The following GABRG1 variants were observed in gnomAD, a reference collection of about 807,000 sequenced individuals.
GABRG1 encodes gamma-aminobutyric acid type A receptor subunit gamma1, also known as gamma-aminobutyric acid receptor subunit gamma-1.
A neutral mutation model predicts 49.8 loss-of-function variants in GABRG1; 49 were observed. The ratio of observed to expected loss-of-function variants is 0.98; its 90% CI spans 0.78 to 1.25. GABRG1 has a LOEUF of 1.25. Ranked by LOEUF, GABRG1 falls within the 50% of genes most tolerant of loss-of-function variation. The pLI, the probability that GABRG1 is intolerant of heterozygous loss-of-function variation, is 0.00. For synonymous variants in GABRG1, 232 were observed against 185.1 expected, an observed-to-expected ratio of 1.25 and a Z score of -2.06; for missense variants, 552 against 552.3, an observed-to-expected ratio of 1.00 and a Z score of 0.01.
At chr4:46,046,367 C>T (rs1717999529) in intron 8 of GABRG1, among the ~76,000 whole-genome samples, 1 of 152,052 alleles carries the variant, frequency 6.6e-6, no homozygotes, top group African/African-American at 2.4e-5. Flanking sequence ...TGGCCATTGT[C>T]ACAACTGGTA....
At chr4:46,059,624 G>T (rs1228082210) in intron 5 of GABRG1, among the ~76,000 whole-genome samples, 8 of 151,812 alleles carry the variant, frequency 5.3e-5, no homozygotes, top group African/African-American at 1.9e-4. Context: ...TGTTGGCCAG[G>T]CTATTCTCGA....
In GABRG1 at chr4:46,065,288, T is replaced by TA. The variant is rs1348159875; in HGVS notation, c.542+75dup. On this transcript the variant is annotated intron_variant, in intron 4 of 8. Transcript: ENST00000295452. ...TTTTTGGTTTTGCAACTTTGAGAAA[T>TA]AAAAAATTAAGAATTGATTAAATAT... The TA allele has an allele frequency of 2.8e-6, 3 of 1,054,010 alleles. No homozygotes were observed. The South Asian group carries it at 5.1e-5, about 18-fold the overall frequency. The allele number at this position is 1,054,010 out of a possible 1,614,324, so 65.3% of individuals were successfully genotyped here. A position where few individuals can be genotyped will look rare whatever the true frequency, so the allele number is the denominator to read the frequency against.
At chr4:46,062,147 A>T (rs569082851) in intron 5 of GABRG1, among the ~76,000 whole-genome samples, 1 of 150,680 alleles carries the variant, frequency 6.6e-6, no homozygotes, top group East Asian at 2.0e-4. Flanking sequence ...TGTCCTTGTG[A>T]TAGTTTACTG....
At chr4:46,088,575 A>G (rs1719865069) in intron 2 of GABRG1, among the ~76,000 whole-genome samples, 2 of 151,964 alleles carry the variant, frequency 1.3e-5, no homozygotes, top group South Asian at 4.1e-4. Context: ...GCTTTCCAAT[A>G]TGCAGTCATT....
At chr4:46,084,572 C>T (rs928475433) in intron 2 of GABRG1, among the ~76,000 whole-genome samples, 1 of 151,572 alleles carries the variant, frequency 6.6e-6, no homozygotes, top group Non-Finnish European at 1.5e-5. Flanking sequence ...TTTTGTAAAA[C>T]AATGTCTATC....
intron 2 of GABRG1, among the ~76,000 whole-genome samples, chr4:46,088,762 CA>C (rs1227388497): frequency 1.1e-4 from 17 of 150,738 alleles, no homozygotes; most frequent in Admixed American, 7.3e-4. Context: ...CACACACACA[CA>C]CACCCCATAT....
intron 4 of GABRG1, 82 bp downstream of exon 4, chr4:46,065,282 G>A (rs960589983): frequency 1.5e-5 from 15 of 1,003,960 alleles, no homozygotes; most frequent in African/African-American, 5.0e-5. Flanking sequence ...TTGCAACTTT[G>A]AGAAATAAAA....
rs1352724569 is a variant in GABRG1, at chr4:46,056,137, AT to A, written c.916+2079del. ...AAAAAAAGAAAGGAAAAAAAAAAAAATAAATAAATAAATTAAAAAAAAAAAA... is the reference window on the plus strand; with the variant it reads ...AAAAAAAGAAAGGAAAAAAAAAAAAAAAATAAATAAATTAAAAAAAAAAAA... On this transcript the variant is annotated intron_variant, in intron 7 of 8. Coordinates refer to ENST00000295452, the MANE Select transcript of GABRG1 (RefSeq NM_173536.4). Among the ~76,000 whole-genome samples the A allele has an allele frequency of 4.0e-3, 89 of 22,326 alleles. 1 individual carries two copies. Among genetic ancestry groups the A allele is most frequent in the African/African-American group, 0.012 (25 of 2,008 alleles). 14.6% of individuals were successfully genotyped at this position (22,326 alleles called of 152,430 possible).
At chr4:46,042,304 G>A (rs1427155116) in intron 8 of GABRG1, among the ~76,000 whole-genome samples, 1 of 151,882 alleles carries the variant, frequency 6.6e-6, no homozygotes, top group Non-Finnish European at 1.5e-5. Context: ...CAACAACAAA[G>A]TCCTAGACCA....
chr4:46,052,969 G>T (rs1718287731), intron 7 of GABRG1, among the ~76,000 whole-genome samples: 1 of 151,660 alleles, frequency 6.6e-6, no homozygotes. Context: ...GATGAATTTG[G>T]AATTATGATA....
At chr4:46,112,739 T>C (rs1720759069) in intron 1 of GABRG1, among the ~76,000 whole-genome samples, 2 of 150,974 alleles carry the variant, frequency 1.3e-5, no homozygotes, top group African/African-American at 4.8e-5. Context: ...GAGCCTAACA[T>C]TGGGTGCTCA....
In GABRG1 at chr4:46,041,205, A is replaced by T. The variant is rs149632298; in HGVS notation, c.1181T>A (p.Ile394Asn). 13 of 1,612,904 alleles carry T rather than the reference A, an allele frequency of 8.1e-6. No homozygotes were observed. The highest frequency in any genetic ancestry group is 1.1e-5 in the Non-Finnish European group (13 of 1,179,246). The change falls in exon 9 of 9, where the codon ATT (isoleucine) becomes AAT (asparagine). Residue 394 changes from isoleucine (I) to asparagine (N), a missense_variant. Ile to Asn is a moderately radical substitution (Grantham distance 149, BLOSUM62 -3). Transcript: ENST00000295452. ...PGSTLIPMNN[I>N]SVPQEDDYGY... ...ATAATCATCTTCTTGCGGCACAGAA[A>T]TATTATTCATTGGAATCAGAGTGGA...
chr4:46,096,271 G>T (rs528992797), intron 2 of GABRG1, among the ~76,000 whole-genome samples: 1 of 151,710 alleles, frequency 6.6e-6, no homozygotes, highest in Admixed American at 6.6e-5. Flanking sequence ...ATTAATTGTT[G>T]TATGGACAGT....
chr4:46,058,297 A>T lies in GABRG1; in HGVS notation c.836T>A (p.Ile279Asn). 6.2e-7 allele frequency: 1 copy of T among 1,613,172 alleles called. No individual in the cohort carries two copies. The highest frequency in any genetic ancestry group is 2.2e-5 in the East Asian group (1 of 44,798). Reference protein sequence around the residue: ...RMGYFTIQTYIPCILTVVLSW... With the variant: ...RMGYFTIQTYNPCILTVVLSW... ...AAGAACAACTGTCAGAATGCATGGA[A>T]TGTAGGTCTGAATAGTGAAATATCC... The change falls in exon 7 of 9, where the codon ATT becomes AAT. Residue 279 changes from isoleucine to asparagine, a missense_variant. Transcript: ENST00000295452.
At chr4:46,054,907 G>C (rs1207431094) in intron 7 of GABRG1, among the ~76,000 whole-genome samples, 1 of 68,096 alleles carries the variant, frequency 1.5e-5, no homozygotes, top group Non-Finnish European at 2.7e-5. Flanking sequence ...CGGTGAGAGA[G>C]GGCATCCCTG....
chr4:46,096,895 G>C (rs1316835158), intron 2 of GABRG1, among the ~76,000 whole-genome samples: 2 of 151,690 alleles, frequency 1.3e-5, no homozygotes, highest in Non-Finnish European at 3.0e-5. Flanking sequence ...TCATTATTCT[G>C]TATCTTATCT....
At chr4:46,086,020 A>G (rs1227424183) in intron 2 of GABRG1, among the ~76,000 whole-genome samples, 1 of 151,666 alleles carries the variant, frequency 6.6e-6, no homozygotes, top group Non-Finnish European at 1.5e-5. Context: ...TCTTTTTTGC[A>G]ATAGCATAAC....
chr4:46,114,299 A>G (rs73241876), intron 1 of GABRG1, among the ~76,000 whole-genome samples: 195 of 151,150 alleles, frequency 1.3e-3, no homozygotes, highest in Non-Finnish European at 2.6e-3. Context: ...ACTCAATACT[A>G]TGATTATTTT....
intron 1 of GABRG1, among the ~76,000 whole-genome samples, chr4:46,103,316 A>T (rs1181914778): frequency 6.6e-6 from 1 of 151,404 alleles, no homozygotes; most frequent in Non-Finnish European, 1.5e-5. Context: ...TTGGAAAAAA[A>T]TGATAATTGC....
Sources: allele counts gnomAD v4.1 joint callset (sites outside exome capture counted in the v4.1 genomes callset), GRCh38; gene constraint gnomAD v4.1.1; transcripts MANE v1.5; gene names NCBI Gene and HGNC (gene_info 2026-07-23, HGNC 2026-07-21).